The following ABLIM1 variants were observed in gnomAD, a reference collection of about 807,000 sequenced individuals.
ABLIM1 encodes actin-binding LIM protein 1.
A neutral mutation model predicts 107.0 loss-of-function variants in ABLIM1; 40 were observed. The observed-to-expected ratio is 0.37, with a 90% confidence interval of 0.29 to 0.49. ABLIM1 has a LOEUF of 0.49. Ranked by LOEUF, ABLIM1 falls within the 20% of genes least tolerant of loss-of-function variation. ABLIM1 has a pLI of 0.97. For missense variants in ABLIM1, 857 were observed against 1,008.5 expected (o/e 0.85, Z 2.04); for synonymous variants, 357 against 357.3 (o/e 1.00, Z 0.01).
At chr10:114,535,611 A>G (rs2065917589) in intron 6 of ABLIM1, among the ~76,000 whole-genome samples, 1 of 152,198 alleles carries the variant, frequency 6.6e-6, no homozygotes, top group Admixed American at 6.5e-5. Flanking sequence ...TGCCTGGCCA[A>G]GCCTAGCATA....
intron 1 of ABLIM1, among the ~76,000 whole-genome samples, chr10:114,614,438 C>A (rs765691572): frequency 1.3e-5 from 2 of 152,176 alleles, no homozygotes; most frequent in East Asian, 3.9e-4. Flanking sequence ...TGCATGCCAT[C>A]CTCCCCACTA....
chr10:114,459,563 T>A (rs2063464443), intron 12 of ABLIM1, among the ~76,000 whole-genome samples: 2 of 152,220 alleles, frequency 1.3e-5, no homozygotes, highest in Admixed American at 6.5e-5. Flanking sequence ...ATATCTTTTT[T>A]TTTTTTTACA....
chr10:114,613,189 T>C (rs1296298817), intron 1 of ABLIM1, among the ~76,000 whole-genome samples: 2 of 152,228 alleles, frequency 1.3e-5, no homozygotes, highest in South Asian at 2.1e-4. Context: ...TATTCAAAGA[T>C]AATAACTCCT....
chr10:114,755,372 A>G (rs931116214), intron 1 of ABLIM1, among the ~76,000 whole-genome samples: 1 of 152,108 alleles, frequency 6.6e-6, no homozygotes, highest in African/African-American at 2.4e-5. Context: ...AAGGTTGGGG[A>G]CTGATGTTCT....
At chr10:114,704,301 T>TCTCTCTCTCG (rs2081369268) in intron 1 of ABLIM1, among the ~76,000 whole-genome samples, 1 of 26,272 alleles carries the variant, frequency 3.8e-5, no homozygotes, top group Non-Finnish European at 7.6e-5. Flanking sequence ...TCTCTCTCTC[T>TCTCTCTCTCG]CTATATATAT....
chr10:114,475,855 C>T (rs994153032), intron 8 of ABLIM1, among the ~76,000 whole-genome samples: 1 of 152,208 alleles, frequency 6.6e-6, no homozygotes, highest in Non-Finnish European at 1.5e-5. Flanking sequence ...CATTTTGGAA[C>T]ACTTCCTCCC....
chr10:114,709,914 G>A (rs1160651441), intron 1 of ABLIM1, among the ~76,000 whole-genome samples: 1 of 151,984 alleles, frequency 6.6e-6, no homozygotes, highest in African/African-American at 2.4e-5. Flanking sequence ...TTCTAAACAG[G>A]GTTCTCAAAC....
intron 2 of ABLIM1, among the ~76,000 whole-genome samples, chr10:114,577,146 TC>T (rs2072701412): frequency 6.6e-6 from 1 of 152,360 alleles, no homozygotes; most frequent in Admixed American, 6.5e-5. Context: ...ATCTTATTTT[TC>T]TACAAGATGG....
chr10:114,600,751 T>C (rs2075903798), intron 2 of ABLIM1, among the ~76,000 whole-genome samples: 1 of 152,106 alleles, frequency 6.6e-6, no homozygotes, highest in Non-Finnish European at 1.5e-5. Flanking sequence ...CTCGCCTCCC[T>C]TCCTTCTCTG....
chr10:114,551,978 T>C (rs2068116653), intron 4 of ABLIM1, among the ~76,000 whole-genome samples: 1 of 152,098 alleles, frequency 6.6e-6, no homozygotes, highest in South Asian at 2.1e-4. Context: ...GCTGGTAAGG[T>C]TGGGCTGCAA....
At chr10:114,483,850 T>C (rs2057762642) in intron 8 of ABLIM1, among the ~76,000 whole-genome samples, 1 of 152,208 alleles carries the variant, frequency 6.6e-6, no homozygotes, top group Non-Finnish European at 1.5e-5. Flanking sequence ...GATGAGATTG[T>C]AGAAAGTCGC....
upstream of ABLIM1, chr10:114,658,408 C>A (rs1029275571): frequency 3.4e-5 from 30 of 895,088 alleles, no homozygotes; most frequent in Non-Finnish European, 4.4e-5. Context: ...TAAAAACAGC[C>A]ACTACCAGGA....
upstream of ABLIM1, among the ~76,000 whole-genome samples, chr10:114,769,493 G>GAA (rs1372608195): frequency 1.6e-3 from 234 of 144,600 alleles, no homozygotes; most frequent in Middle Eastern, 0.027. Flanking sequence ...AAGAAAGAAA[G>GAA]GGAAGGAAGA....
intron 19 of ABLIM1, 76 bp from the exon 20 acceptor site, chr10:114,440,165 A>C: frequency 7.1e-7 from 1 of 1,413,536 alleles, no homozygotes; most frequent in Non-Finnish European, 1.0e-6. Context: ...AGACTATATT[A>C]TATTGAAATT....
chr10:114,567,155 T>C (rs1203580549), intron 4 of ABLIM1, among the ~76,000 whole-genome samples: 3 of 152,240 alleles, frequency 2.0e-5, no homozygotes, highest in Admixed American at 1.3e-4. Flanking sequence ...TCAGGGCACC[T>C]GGATAATCTG....
intron 8 of ABLIM1, among the ~76,000 whole-genome samples, chr10:114,481,901 C>T (rs1590223513): frequency 6.6e-6 from 1 of 152,154 alleles, no homozygotes; most frequent in Non-Finnish European, 1.5e-5. Flanking sequence ...AGACATAAAG[C>T]CTCAAATTAG....
intron 12 of ABLIM1, among the ~76,000 whole-genome samples, chr10:114,458,219 A>T (rs1419874941): frequency 2.6e-5 from 4 of 151,908 alleles, no homozygotes; most frequent in Non-Finnish European, 5.9e-5. Context: ...TAGTGTTCTC[A>T]TCTATTGTAG....
chr10:114,444,656 A>G (rs960530093), intron 16 of ABLIM1, among the ~76,000 whole-genome samples: 2 of 152,182 alleles, frequency 1.3e-5, no homozygotes, highest in Non-Finnish European at 2.9e-5. Context: ...ACACACATAT[A>G]AAACTGAGAT....
chr10:114,446,670 A>G (rs2061073339), intron 15 of ABLIM1, among the ~76,000 whole-genome samples: 1 of 152,194 alleles, frequency 6.6e-6, no homozygotes, highest in African/African-American at 2.4e-5. Context: ...AACAACAAAA[A>G]CTTAATTCTC....
Sources: allele counts gnomAD v4.1 joint callset (sites outside exome capture counted in the v4.1 genomes callset), GRCh38; gene constraint gnomAD v4.1.1; transcripts MANE v1.5; gene names NCBI Gene and HGNC (gene_info 2026-07-23, HGNC 2026-07-21).